The following TPTE variants were observed in gnomAD, a reference collection of about 807,000 sequenced individuals.
The protein encoded by TPTE is putative tyrosine-protein phosphatase TPTE.
TPTE carries 59 observed loss-of-function variants against 84.1 expected under a neutral mutation model. That is an observed-to-expected ratio of 0.70 (90% CI 0.57 to 0.87). The LOEUF is 0.87. Ranked by LOEUF, TPTE falls within the 40% of genes least tolerant of loss-of-function variation. TPTE has a pLI of 0.00. For missense variants in TPTE, 382 were observed against 659.6 expected (o/e 0.58, Z 4.61); for synonymous variants, 130 against 223.5 (o/e 0.58, Z 3.73).
chr21:10,525,090 TCAGGAAGCCA>T (rs2074055112), intron 2 of TPTE, among the ~76,000 whole-genome samples: 1 of 152,310 alleles, frequency 6.6e-6, no homozygotes, highest in African/African-American at 2.4e-5. Flanking sequence ...AGTGTTCAGC[TCAGGAAGCCA>T]CTCCACAGAG....
At chr21:10,571,230 G>A (rs2075036305) in intron 14 of TPTE, among the ~76,000 whole-genome samples, 1 of 152,308 alleles carries the variant, frequency 6.6e-6, no homozygotes, top group Non-Finnish European at 1.5e-5. Context: ...GGCCACTGAG[G>A]CACTCACAGA....
chr21:10,577,135 C>T (rs1329190546), intron 14 of TPTE, among the ~76,000 whole-genome samples: 1 of 152,304 alleles, frequency 6.6e-6, no homozygotes, highest in African/African-American at 2.4e-5. Context: ...TAGATTTAAA[C>T]AAGATCCATA....
At chr21:10,546,515 A>G (rs2074470728) in intron 7 of TPTE, among the ~76,000 whole-genome samples, 1 of 152,426 alleles carries the variant, frequency 6.6e-6, no homozygotes, top group East Asian at 1.9e-4. Context: ...GGAAGGCTAG[A>G]CTTCTTGCAC....
intron 8 of TPTE, among the ~76,000 whole-genome samples, chr21:10,557,597 C>T (rs1342128491): frequency 1.3e-5 from 2 of 152,302 alleles, no homozygotes; most frequent in African/African-American, 4.8e-5. Flanking sequence ...CTCTTTTGGC[C>T]AATTGATCCT....
intron 3 of TPTE, among the ~76,000 whole-genome samples, chr21:10,538,276 T>C (rs1218259203): frequency 2.0e-5 from 3 of 152,310 alleles, no homozygotes; most frequent in Non-Finnish European, 2.9e-5. Flanking sequence ...CTGCAGTTAC[T>C]TTACCGTACT....
intron 17 of TPTE, among the ~76,000 whole-genome samples, chr21:10,580,651 C>T (rs2075255555): frequency 6.6e-6 from 1 of 152,312 alleles, no homozygotes; most frequent in African/African-American, 2.4e-5. Flanking sequence ...TGAATATCAG[C>T]TGAGTATAAA....
chr21:10,538,239 A>T (rs957028563), intron 3 of TPTE, among the ~76,000 whole-genome samples: 1 of 152,308 alleles, frequency 6.6e-6, no homozygotes, highest in Non-Finnish European at 1.5e-5. Flanking sequence ...AAATACCATC[A>T]TATTGGATTG....
intron 3 of TPTE, among the ~76,000 whole-genome samples, chr21:10,535,848 GCTA>G (rs1191599323): frequency 2.6e-5 from 4 of 152,428 alleles, no homozygotes; most frequent in Non-Finnish European, 5.9e-5. Context: ...CAGGCCTACA[GCTA>G]CATGGTCATA....
intron 17 of TPTE, among the ~76,000 whole-genome samples, chr21:10,589,170 C>T (rs1272149413): frequency 1.7e-4 from 26 of 152,242 alleles, no homozygotes; most frequent in Non-Finnish European, 3.2e-4. Context: ...TCTTTCCTTT[C>T]CTATAATATT....
intron 3 of TPTE, among the ~76,000 whole-genome samples, chr21:10,531,566 A>G (rs1388451762): frequency 1.3e-5 from 2 of 152,312 alleles, no homozygotes; most frequent in East Asian, 1.9e-4. Context: ...ACTCAGATGC[A>G]TGGAATCCCA....
intron 14 of TPTE, among the ~76,000 whole-genome samples, chr21:10,575,117 G>A (rs2145722587): frequency 6.6e-6 from 1 of 152,430 alleles, no homozygotes; most frequent in South Asian, 2.1e-4. Context: ...TTCCCGGGGA[G>A]GTGGCGAGAG....
chr21:10,598,064 C>G lies in TPTE; in HGVS notation c.1326C>G (p.Val442=), dbSNP rs753819099. The G allele has an allele frequency of 3.1e-6, 5 of 1,613,790 alleles. No homozygotes were observed. Among genetic ancestry groups the G allele is most frequent in the Non-Finnish European group, 4.2e-6 (5 of 1,179,718 alleles). The stretch of plus-strand genomic sequence containing the variant: ...AAATAGAAATGGAGAAAAAGGTTGT[C>G]TTTTCCACTATTTCATTAGGAAAAT... ...KIQIEMEKKV[V]FSTISLGKCS... is the part of the protein sequence containing the mutation. Residue 442 remains valine, a synonymous_variant, in exon 21 of 24, where the codon GTC becomes GTG. Transcript: ENST00000618007.
chr21:10,603,528 T>A (rs374828090), intron 22 of TPTE, 34 bp from the exon 23 acceptor site: 217 of 1,580,272 alleles, frequency 1.4e-4, no homozygotes, highest in Middle Eastern at 3.4e-4. Flanking sequence ...GTTCTTGGTA[T>A]CAGTTTTACT....
At chr21:10,547,691 C>T (rs58699047) in intron 7 of TPTE, among the ~76,000 whole-genome samples, 149 of 152,366 alleles carry the variant, frequency 9.8e-4, no homozygotes, top group African/African-American at 3.4e-3. Context: ...CACTGTGCCT[C>T]TCCAGCACTG....
chr21:10,564,913 T>A (rs1019121235), intron 10 of TPTE, among the ~76,000 whole-genome samples: 2 of 152,300 alleles, frequency 1.3e-5, no homozygotes, highest in South Asian at 4.1e-4. Context: ...GGGGAAAAAA[T>A]GAAAAGCTTT....
intron 1 of TPTE, among the ~76,000 whole-genome samples, chr21:10,523,101 A>G (rs1185842922): frequency 1.3e-5 from 2 of 152,308 alleles, no homozygotes; most frequent in East Asian, 3.8e-4. Flanking sequence ...TGTAACCCAC[A>G]AAGGAAGCTG....
At chr21:10,541,212 C>A (rs1402772002) in intron 5 of TPTE, 47 bp downstream of exon 5, 9 of 1,608,698 alleles carry the variant, frequency 5.6e-6, no homozygotes, top group Non-Finnish European at 7.7e-6. Context: ...TGGTTCACAC[C>A]TGTAATCTGA....
chr21:10,600,783 A>G (rs1819559536), intron 21 of TPTE, among the ~76,000 whole-genome samples: 1 of 152,312 alleles, frequency 6.6e-6, no homozygotes, highest in Admixed American at 6.5e-5. Flanking sequence ...TATTTCTATG[A>G]GAATGAGTCA....
At chr21:10,556,874 C>T (rs1226061948) in intron 8 of TPTE, among the ~76,000 whole-genome samples, 1 of 152,424 alleles carries the variant, frequency 6.6e-6, no homozygotes, top group Admixed American at 6.5e-5. Flanking sequence ...CCTTTGCCCA[C>T]TTTTTGATGG....
Sources: allele counts gnomAD v4.1 joint callset (sites outside exome capture counted in the v4.1 genomes callset), GRCh38; gene constraint gnomAD v4.1.1; transcripts MANE v1.5; gene names NCBI Gene and HGNC (gene_info 2026-07-23, HGNC 2026-07-21).